EFCAB5: variants seen among roughly 807,000 people sequenced by gnomAD.
EFCAB5 encodes EF-hand calcium binding domain 5, also known as EF-hand calcium-binding domain-containing protein 5.
A neutral mutation model predicts 167.9 loss-of-function variants in EFCAB5; 131 were observed. That is an observed-to-expected ratio of 0.78 (90% confidence interval 0.68 to 0.90). EFCAB5 has a LOEUF of 0.90. Among genes scored for constraint, EFCAB5 ranks in the 40% least tolerant of loss-of-function variants. The pLI, the probability that EFCAB5 is intolerant of heterozygous loss-of-function variation, is 0.00. For missense variants in EFCAB5, 1,663 were observed against 1,745.2 expected (o/e 0.95, Z 0.84); for synonymous variants, 574 against 602.8 (o/e 0.95, Z 0.70).
At chr17:30,084,747 C>A (rs1331608928) in intron 18 of EFCAB5, among the ~76,000 whole-genome samples, 2 of 152,174 alleles carry the variant, frequency 1.3e-5, no homozygotes, top group Non-Finnish European at 2.9e-5. Context: ...CAAAGATAAA[C>A]CAGTATCCAT....
chr17:29,994,003 C>T lies in EFCAB5; in HGVS notation c.924+682C>T, dbSNP rs957420250. On this transcript the variant is annotated intron_variant, in intron 5 of 22. Transcript: ENST00000394835. Reference sequence around the variant, plus strand: ...GCTGTGGTTCCAGCTTCTTGGGTGGCTGAGGTGGGAGGATTGCTTGAGTCC... The same window carrying T: ...GCTGTGGTTCCAGCTTCTTGGGTGGTTGAGGTGGGAGGATTGCTTGAGTCC... Among the ~76,000 whole-genome samples, 77 of 151,004 alleles carry T rather than the reference C, an allele frequency of 5.1e-4. 1 individual carries two copies. Among genetic ancestry groups the T allele is most frequent in the African/African-American group, 1.7e-3 (69 of 41,150 alleles).
chr17:30,018,668 C>T (rs762587206), intron 7 of EFCAB5, among the ~76,000 whole-genome samples: 3 of 152,064 alleles, frequency 2.0e-5, no homozygotes, highest in Non-Finnish European at 4.4e-5. Context: ...TTTTATGATG[C>T]TTGCGCTTTT....
chr17:30,093,072 GGACA>G, intron 22 of EFCAB5, 136 bp downstream of exon 22: 2 of 553,154 alleles, frequency 3.6e-6, no homozygotes, highest in South Asian at 4.9e-5. Context: ...CTAAGAGGAG[GGACA>G]CTATGTAATC....
intron 3 of EFCAB5, among the ~76,000 whole-genome samples, chr17:29,950,296 C>T (rs1383300542): frequency 6.6e-6 from 1 of 150,778 alleles, no homozygotes; most frequent in Non-Finnish European, 1.5e-5. Flanking sequence ...TCCTTCCTTC[C>T]TCTCTTCCTT....
intron 14 of EFCAB5, among the ~76,000 whole-genome samples, chr17:30,068,301 CA>C (rs2070632982): frequency 7.4e-6 from 1 of 134,920 alleles, no homozygotes. Context: ...GACTCCATCT[CA>C]AAAAAAGAAA....
At chr17:30,088,938 T>C (rs1260747982) in intron 19 of EFCAB5, among the ~76,000 whole-genome samples, 1 of 151,902 alleles carries the variant, frequency 6.6e-6, no homozygotes, top group Non-Finnish European at 1.5e-5. Flanking sequence ...ATTCTTTTTT[T>C]TTATGTATTT....
At chr17:29,943,748 T>C in intron 3 of EFCAB5, 99 bp downstream of exon 3, 1 of 1,031,512 alleles carries the variant, frequency 9.7e-7, no homozygotes, top group Non-Finnish European at 1.4e-6. Context: ...CCGAGGCGGG[T>C]GGATCATCAG....
chr17:30,094,522 A>AT (rs2071259262), intron 22 of EFCAB5, among the ~76,000 whole-genome samples: 2 of 150,546 alleles, frequency 1.3e-5, no homozygotes, highest in South Asian at 2.1e-4. Flanking sequence ...AAAAAAAAAA[A>AT]AAAAAAAAAA....
intron 22 of EFCAB5, among the ~76,000 whole-genome samples, chr17:30,105,836 A>G (rs560816829): frequency 5.3e-5 from 8 of 152,172 alleles, no homozygotes; most frequent in Non-Finnish European, 1.2e-4. Flanking sequence ...GTGTTAAAAC[A>G]GAGAATTTTA....
At chr17:30,097,981 C>T (rs1404035693) in intron 22 of EFCAB5, among the ~76,000 whole-genome samples, 1 of 152,122 alleles carries the variant, frequency 6.6e-6, no homozygotes, top group African/African-American at 2.4e-5. Context: ...ATCACTCAGG[C>T]TGGAGTGCAG....
At chr17:29,940,080 CTTTT>C (rs35491131), upstream of EFCAB5, among the ~76,000 whole-genome samples, 2 of 143,896 alleles carry the variant, frequency 1.4e-5, no homozygotes, top group African/African-American at 2.6e-5. Context: ...ACTGGGAACT[CTTTT>C]TTTTTTTTTT....
intron 14 of EFCAB5, among the ~76,000 whole-genome samples, chr17:30,075,448 C>T (rs2070849670): frequency 6.6e-6 from 1 of 152,158 alleles, no homozygotes; most frequent in Non-Finnish European, 1.5e-5. Flanking sequence ...ACTCCTTATG[C>T]TGAGCTGACC....
intron 3 of EFCAB5, chr17:29,950,592 T>C (rs1046621516): frequency 5.3e-5 from 8 of 152,186 alleles, no homozygotes; most frequent in Admixed American, 1.3e-4. Context: ...CAGAGTGGTC[T>C]TGAGCTCCTG....
chr17:30,087,908 C>T (rs973798995), intron 19 of EFCAB5, among the ~76,000 whole-genome samples: 3 of 152,200 alleles, frequency 2.0e-5, no homozygotes, highest in Non-Finnish European at 4.4e-5. Context: ...GCATTCCCGC[C>T]AGCAGTGTAA....
chr17:30,088,573 G>C (rs149019667), intron 19 of EFCAB5, among the ~76,000 whole-genome samples: 77 of 152,252 alleles, frequency 5.1e-4, no homozygotes, highest in African/African-American at 1.7e-3. Flanking sequence ...AGAAGGCAAA[G>C]CATGTTGTAT....
At chr17:29,933,616 G>A (rs2067221142) in intron 1 of EFCAB5, among the ~76,000 whole-genome samples, 1 of 152,182 alleles carries the variant, frequency 6.6e-6, no homozygotes, top group African/African-American at 2.4e-5. Context: ...CACCTGCGAT[G>A]CTGGAGGCCT....
At chr17:30,035,280 A>G (rs1413957504) in intron 8 of EFCAB5, among the ~76,000 whole-genome samples, 1 of 152,232 alleles carries the variant, frequency 6.6e-6, no homozygotes, top group Non-Finnish European at 1.5e-5. Flanking sequence ...AAGGACAACT[A>G]TTCTCTGTTG....
At chr17:30,034,096 T>C (rs2069552201) in intron 7 of EFCAB5, 134 bp from the exon 8 acceptor site, 1 of 1,086,144 alleles carries the variant, frequency 9.2e-7, no homozygotes, top group Non-Finnish European at 1.3e-6. Flanking sequence ...AAATGCTTCA[T>C]CTAAGTGATA....
intron 3 of EFCAB5, among the ~76,000 whole-genome samples, chr17:29,946,933 A>G (rs1356298372): frequency 2.0e-5 from 3 of 152,080 alleles, no homozygotes; most frequent in Admixed American, 6.6e-5. Flanking sequence ...GAGTGGATAA[A>G]CAGCACTTCG....
Sources: allele counts gnomAD v4.1 joint callset (sites outside exome capture counted in the v4.1 genomes callset), GRCh38; gene constraint gnomAD v4.1.1; transcripts MANE v1.5; gene names NCBI Gene and HGNC (gene_info 2026-07-23, HGNC 2026-07-21).